Variants in IGSF9B observed in about 807,000 individuals in gnomAD.
The protein encoded by IGSF9B is immunoglobulin superfamily member 9B.
A neutral mutation model predicts 143.7 loss-of-function variants in IGSF9B; 48 were observed. The ratio of observed to expected loss-of-function variants is 0.33; its 90% confidence interval spans 0.26 to 0.42. The LOEUF is 0.42. Ranked by LOEUF, IGSF9B falls within the 20% of genes least tolerant of loss-of-function variation. The pLI is 1.00. For missense variants in IGSF9B, 1,706 were observed against 1,980.0 expected, an observed-to-expected ratio of 0.86 and a Z score of 2.63; for synonymous variants, 903 against 833.1, an observed-to-expected ratio of 1.08 and a Z score of -1.44.
chr11:133,933,577 C>G (rs1939771782), intron 7 of IGSF9B, among the ~76,000 whole-genome samples: 1 of 152,210 alleles, frequency 6.6e-6, no homozygotes, highest in Non-Finnish European at 1.5e-5. Context: ...GAGACTCCAA[C>G]TCTACCAAAA....
Position 133,920,441 on chromosome 11 carries a change from A to G in IGSF9B, c.3284T>C (p.Leu1095Pro). The G allele has an allele frequency of 6.4e-7, 1 of 1,574,206 alleles. No individual in the cohort carries two copies. The highest frequency in any genetic ancestry group is 8.6e-7 in the Non-Finnish European group (1 of 1,161,546). Residue 1095 changes from leucine (L) to proline (P), a missense_variant, in exon 18 of 20, where the codon CTG becomes CCG. Leu to Pro is a moderately conservative substitution (Grantham distance 98). Coordinates refer to ENST00000533871, the MANE Select transcript of IGSF9B (RefSeq NM_001277285.4). ...CCAACCCTTCGGTGCCTCCAGAGAC[A>G]GGATGCCCGGGTAGGCCGCGGGCAC... ...LQVPAAYPGI[L>P]SLEAPKGWAG...
At chr11:133,918,274 G>A (rs1014200848) in intron 18 of IGSF9B, among the ~76,000 whole-genome samples, 1 of 151,438 alleles carries the variant, frequency 6.6e-6, no homozygotes, top group African/African-American at 2.4e-5. Context: ...GCTGAGGAGA[G>A]GCTTGTCTCG....
intron 17 of IGSF9B, 46 bp downstream of exon 17, chr11:133,922,131 C>T (rs767395012): frequency 2.5e-5 from 39 of 1,565,244 alleles, no homozygotes; most frequent in Non-Finnish European, 2.8e-5. Flanking sequence ...ACCTATGCGC[C>T]CCCTGCCATG....
Position 133,897,425 on chromosome 11 carries a change from C to CA in IGSF9B, c.*11643dup, listed in dbSNP as rs1939039083. The stretch of plus-strand genomic sequence containing the variant: ...ATATGCAGGTGCGCGCACACACACA[C>CA]ATCTGGTTTCCTTGCAGTCTGCTCA... On this transcript the variant is annotated 3_prime_UTR_variant, in exon 20 of 20. Coordinates refer to ENST00000533871, the MANE Select transcript of IGSF9B (RefSeq NM_001277285.4). 6.6e-6 allele frequency: 1 copy of CA among 152,290 alleles called. No homozygotes were observed. The highest frequency in any genetic ancestry group is 6.5e-5 in the Admixed American group (1 of 15,292). 9.4% of individuals were successfully genotyped at this position (152,290 alleles called of 1,614,324 possible).
chr11:133,912,290 A>G, intron 18 of IGSF9B: 1 of 587,280 alleles, frequency 1.7e-6, no homozygotes, highest in Non-Finnish European at 3.2e-6. Context: ...TTTAATAGTA[A>G]GCACCTTCCC....
At chr11:133,947,650 C>T (rs1270442944) in intron 1 of IGSF9B, among the ~76,000 whole-genome samples, 2 of 152,088 alleles carry the variant, frequency 1.3e-5, no homozygotes, top group Non-Finnish European at 2.9e-5. Flanking sequence ...ATGTCTGTGT[C>T]TGGCCACCTC....
rs35601094 is a variant in IGSF9B, at chr11:133,908,578, C to CAT, written c.*489_*490dup. On this transcript the variant is annotated 3_prime_UTR_variant, in exon 20 of 20. Coordinates refer to ENST00000533871, the MANE Select transcript of IGSF9B (RefSeq NM_001277285.4). The stretch of plus-strand genomic sequence containing the variant: ...AGCAACAGCACTTTGCCTCAATGTA[C>CAT]ATATATATATATATATATACACACA... 92,791 of 145,448 alleles carry CAT rather than the reference C, an allele frequency of 0.64. 31,782 individuals are homozygous for CAT. The highest frequency in any genetic ancestry group is 0.79 in the Middle Eastern group (225 of 284). The allele number at this position is 145,448 out of a possible 1,614,324, so 9.0% of individuals were successfully genotyped here.
At chr11:133,924,011 T>C (rs1237056951) in intron 15 of IGSF9B, among the ~76,000 whole-genome samples, 1 of 152,254 alleles carries the variant, frequency 6.6e-6, no homozygotes, top group South Asian at 2.1e-4. Flanking sequence ...AAGCAGAAAT[T>C]GCACTCCACA....
chr11:133,920,615 G>A lies in IGSF9B; in HGVS notation c.3110C>T (p.Pro1037Leu), dbSNP rs1359636241. ...GAATTCTGGCCGGCCCCAGGGCTCA[G>A]GGGAGCGCCCTCCTGTAGGTGTCTG... ...LTQTPTGGRS[P>L]EPWGRPEFPF... Residue 1037 changes from proline to leucine, a missense_variant, in exon 18 of 20, where the codon CCT (proline) becomes CTT (leucine). By Grantham distance (98) the Pro-to-Leu change is moderately conservative. Transcript: ENST00000533871. 3 of 1,613,402 alleles carry A rather than the reference G, an allele frequency of 1.9e-6. No individual in the cohort carries two copies. The highest frequency in any genetic ancestry group is 2.5e-6 in the Non-Finnish European group (3 of 1,179,826).
chr11:133,907,338 G>T lies in IGSF9B; in HGVS notation c.*1731C>A, dbSNP rs977251822. Among the ~76,000 whole-genome samples, 2 of 152,238 alleles carry T rather than the reference G, an allele frequency of 1.3e-5. No homozygotes were observed. The highest frequency in any genetic ancestry group is 2.9e-5 in the Non-Finnish European group (2 of 68,050). On this transcript the variant is annotated 3_prime_UTR_variant, in exon 20 of 20. Transcript: ENST00000533871. ...GCCATCCAAGGCCTCATCCTGCGAG[G>T]TCACTGGGCCAAGCCCATGGCAGCT...
chr11:133,930,532 G>A (rs565611262), intron 11 of IGSF9B, among the ~76,000 whole-genome samples: 16 of 152,292 alleles, frequency 1.1e-4, no homozygotes, highest in African/African-American at 2.6e-4. Flanking sequence ...AAACGGGAAC[G>A]CCCAGACACA....
intron 4 of IGSF9B, 36 bp from the exon 5 acceptor site, chr11:133,937,529 G>A (rs1939847287): frequency 2.0e-6 from 3 of 1,508,744 alleles, no homozygotes; most frequent in Non-Finnish European, 2.8e-6. Context: ...CAGCACCCAC[G>A]CTCACACCCA....
At position 133,920,292 on chromosome 11, in the gene IGSF9B, G is replaced by C. The variant is rs774175692; in HGVS notation, c.3433C>G (p.Pro1145Ala). 1 of 1,551,246 alleles carries C rather than the reference G, an allele frequency of 6.4e-7. No homozygotes were observed. The highest frequency in any genetic ancestry group is 8.7e-7 in the Non-Finnish European group (1 of 1,148,514). Residue 1145 changes from proline (P) to alanine (A), a missense_variant, in exon 18 of 20, where the codon CCT (proline) becomes GCT (alanine). This residue lies in a region of IGSF9B where 880 missense variants were observed against 762.9 expected (regional missense o/e 1.15). Coordinates refer to ENST00000533871, the MANE Select transcript of IGSF9B (RefSeq NM_001277285.4). ...GCCGGCTCGGGGTAAGGCAGCACAG[G>C]TATGCCCATGCCTTGGCTTGTATGT... is the stretch of plus-strand genomic sequence containing the variant. ...LRHTSQGMGI[P>A]VLPYPEPAEP...
Position 133,901,898 on chromosome 11 carries a change from C to T in IGSF9B, c.*7171G>A, listed in dbSNP as rs909576162. Among the ~76,000 whole-genome samples, 2 of 146,524 alleles carry T rather than the reference C, an allele frequency of 1.4e-5. No homozygotes were observed. Among genetic ancestry groups the T allele is most frequent in the Non-Finnish European group, 3.0e-5 (2 of 66,522 alleles). On this transcript the variant is annotated 3_prime_UTR_variant, in exon 20 of 20. Transcript: ENST00000533871. ...GCACCACACACACACACAACACACA[C>T]ACAACACACCACACACAACACACAC...
chr11:133,939,838 C>T (rs1388012164), intron 3 of IGSF9B, among the ~76,000 whole-genome samples: 4 of 151,006 alleles, frequency 2.6e-5, no homozygotes, highest in Admixed American at 1.3e-4. Flanking sequence ...TGTCCTCGCA[C>T]GCGTCATCAC....
At position 133,928,942 on chromosome 11, in the gene IGSF9B, C is replaced by T. The variant is rs1401489309; in HGVS notation, c.1631+729G>A. On this transcript the variant is annotated intron_variant, in intron 12 of 19. Coordinates refer to ENST00000533871, the MANE Select transcript of IGSF9B (RefSeq NM_001277285.4). This position sits in a 1 kb window ranked among gnomAD's most constrained non-coding sequence, Gnocchi z 4.7. Reference sequence around the variant, plus strand: ...GGGAAGTGAGCATCACCTCTCCACACCAGTTTCTGTGGCCTCTGGGGAAAA... The same window carrying T: ...GGGAAGTGAGCATCACCTCTCCACATCAGTTTCTGTGGCCTCTGGGGAAAA... Among the ~76,000 whole-genome samples, 1 of 152,210 alleles carries T rather than the reference C, an allele frequency of 6.6e-6. No homozygotes were observed. Among genetic ancestry groups the T allele is most frequent in the Non-Finnish European group, 1.5e-5 (1 of 68,042 alleles).
intron 1 of IGSF9B, among the ~76,000 whole-genome samples, chr11:133,951,418 G>A (rs1030873103): frequency 6.6e-6 from 1 of 152,208 alleles, no homozygotes. Context: ...AGCCCCAGCC[G>A]CTCCTTAAGG....
intron 18 of IGSF9B, chr11:133,918,949 G>A: frequency 2.1e-6 from 1 of 466,618 alleles, no homozygotes; most frequent in Non-Finnish European, 4.4e-6. Flanking sequence ...GAGGGGCAGG[G>A]GGAGGAGGAG....
rs887586801 is a variant in IGSF9B, at chr11:133,928,644, C to T, written c.1631+1027G>A. On this transcript the variant is annotated intron_variant, in intron 12 of 19. Transcript: ENST00000533871. This position sits in a 1 kb window ranked among gnomAD's most constrained non-coding sequence, Gnocchi z 4.7. Reference sequence around the variant, plus strand: ...CCTCCCAGCTCAAGGTTGTCACCCCCGGGGCAGGGCAGGTGGCTGCCACTC... The same window carrying T: ...CCTCCCAGCTCAAGGTTGTCACCCCTGGGGCAGGGCAGGTGGCTGCCACTC... Among the ~76,000 whole-genome samples the T allele has an allele frequency of 3.3e-5, 5 of 152,274 alleles. No homozygotes were observed. Among genetic ancestry groups the T allele is most frequent in the East Asian group, 1.9e-4 (1 of 5,174 alleles).
Sources: gnomAD v4.1 joint callset for allele counts (sites outside exome capture counted in the v4.1 genomes callset) on GRCh38, gnomAD v4.1.1 for gene constraint, gnomAD v4.1.1 regional missense constraint, Gnocchi (gnomAD v3.1) non-coding constraint, MANE v1.5 for transcripts, NCBI Gene and HGNC (gene_info 2026-07-23, HGNC 2026-07-21) for gene names.